Variants in PLEKHA5 observed in about 807,000 individuals in gnomAD.
The protein encoded by PLEKHA5 is pleckstrin homology domain containing A5.
PLEKHA5 carries 55 observed loss-of-function variants against 181.9 expected under a neutral mutation model. The observed-to-expected ratio is 0.30, with a 90% confidence interval of 0.24 to 0.38. The LOEUF (loss-of-function observed/expected upper bound fraction) is 0.38. PLEKHA5 is among the 10% of genes least tolerant of loss of function. PLEKHA5 has a pLI of 1.00. For missense variants in PLEKHA5, 1,432 were observed against 1,549.5 expected (o/e 0.92, Z 1.27); for synonymous variants, 535 against 529.4 (o/e 1.01, Z -0.15).
rs191525568 is a variant in PLEKHA5 at position 19,310,421 on chromosome 12, C to T, written c.2038-4393C>T. On this transcript the variant is annotated intron_variant, in intron 15 of 31. Coordinates refer to ENST00000429027, the MANE Select transcript of PLEKHA5 (RefSeq NM_001256470.2). Reference sequence around the variant, plus strand: ...GGTCAGGAGTTAGAGACCAGCCTGACCAACATGGTGAAACCCCGTCTCTAT... The same window carrying T: ...GGTCAGGAGTTAGAGACCAGCCTGATCAACATGGTGAAACCCCGTCTCTAT... 2.8e-3 allele frequency among the ~76,000 whole-genome samples: 421 copies of T among 150,494 alleles called. 4 individuals are homozygous for T. Among genetic ancestry groups the T allele is most frequent in the African/African-American group, 1.0e-2 (408 of 40,810 alleles).
intron 20 of PLEKHA5, among the ~76,000 whole-genome samples, chr12:19,334,856 A>ATCTG (rs2093250983): frequency 3.0e-5 from 2 of 66,240 alleles, no homozygotes; most frequent in African/African-American, 9.0e-5. Flanking sequence ...ATATATATAT[A>ATCTG]TATATATATA....
intron 11 of PLEKHA5, among the ~76,000 whole-genome samples, chr12:19,277,565 C>T (rs561941735): frequency 4.6e-5 from 7 of 152,004 alleles, no homozygotes; most frequent in Non-Finnish European, 7.4e-5. Flanking sequence ...TTTATAAATA[C>T]TGTTATTTAG....
chr12:19,250,206 G>C (rs190868171), intron 3 of PLEKHA5, among the ~76,000 whole-genome samples: 36 of 152,268 alleles, frequency 2.4e-4, no homozygotes, highest in Middle Eastern at 3.4e-3. Context: ...ATTTAGAAAA[G>C]TTTGGACTTC....
intron 3 of PLEKHA5, among the ~76,000 whole-genome samples, chr12:19,186,157 TGAA>T: frequency 6.6e-6 from 1 of 152,110 alleles, no homozygotes; most frequent in East Asian, 1.9e-4. Flanking sequence ...TTAGGTAACT[TGAA>T]GAAAAAAGGA....
intron 3 of PLEKHA5, among the ~76,000 whole-genome samples, chr12:19,182,590 T>A (rs2048865900): frequency 6.6e-6 from 1 of 152,154 alleles, no homozygotes. Context: ...GACTAGACCC[T>A]CCTCTTCTCC....
intron 3 of PLEKHA5, among the ~76,000 whole-genome samples, chr12:19,160,438 G>GT (rs1413172267): frequency 6.6e-6 from 1 of 151,992 alleles, no homozygotes; most frequent in South Asian, 2.1e-4. Context: ...TTGAAAAAAT[G>GT]TTTTTTCTGA....
rs147024618 is a variant in PLEKHA5, at chr12:19,364,246, G to A, written c.3609-1718G>A. ...TTTGTGGCAGGGTGCAGTGGCTCGT[G>A]CCTGAAATCCCAGCAGTTTGGGAGG... On this transcript the variant is annotated intron_variant, in intron 29 of 31. Coordinates refer to ENST00000429027, the MANE Select transcript of PLEKHA5 (RefSeq NM_001256470.2). Among the ~76,000 whole-genome samples, 1,022 of 152,140 alleles carry A rather than the reference G, an allele frequency of 6.7e-3. 10 individuals carry two copies. Among genetic ancestry groups the A allele is most frequent in the African/African-American group, 0.023 (968 of 41,508 alleles).
intron 3 of PLEKHA5, among the ~76,000 whole-genome samples, chr12:19,135,257 G>A (rs1393476892): frequency 7.2e-5 from 11 of 152,086 alleles, no homozygotes; most frequent in Admixed American, 7.2e-4. Flanking sequence ...TTTTGGTATT[G>A]ACACTTGCAT....
chr12:19,269,806 A>G lies in PLEKHA5; in HGVS notation c.748A>G (p.Thr250Ala), dbSNP rs1470003448. Residue 250 changes from threonine (T) to alanine (A), a missense_variant, in exon 9 of 32, where the codon ACT becomes GCT. Thr to Ala is a moderately conservative substitution (Grantham distance 58). Around this residue, in one of 2 missense-constraint regions of PLEKHA5, gnomAD observed 289 missense variants for 381.1 expected, o/e 0.76. Coordinates refer to ENST00000429027, the MANE Select transcript of PLEKHA5 (RefSeq NM_001256470.2). The part of the protein sequence containing the change: ...HPNMRTYYFC[T>A]DTGKEMELWM... Reference sequence around the variant, plus strand: ...AAACATGCGGACCTATTATTTCTGCACTGATACAGGAAAGGAAATGGAGTT... The same window carrying G: ...AAACATGCGGACCTATTATTTCTGCGCTGATACAGGAAAGGAAATGGAGTT... The G allele has an allele frequency of 6.2e-7, 1 of 1,609,572 alleles. No homozygotes were observed. Among genetic ancestry groups the G allele is most frequent in the East Asian group, 2.2e-5 (1 of 44,804 alleles).
At chr12:19,193,002 A>G (rs1274513090) in intron 3 of PLEKHA5, among the ~76,000 whole-genome samples, 1 of 152,226 alleles carries the variant, frequency 6.6e-6, no homozygotes, top group African/African-American at 2.4e-5. Flanking sequence ...CAAAGTTGAT[A>G]GTTTTGACAG....
intron 26 of PLEKHA5, 140 bp downstream of exon 26, chr12:19,354,142 TC>T: frequency 9.3e-6 from 3 of 322,406 alleles, no homozygotes; most frequent in South Asian, 6.5e-5. Context: ...TATTCTTTAT[TC>T]TTTTTTTTTT....
intron 3 of PLEKHA5, among the ~76,000 whole-genome samples, chr12:19,232,597 C>G (rs950176449): frequency 6.6e-6 from 1 of 152,140 alleles, no homozygotes; most frequent in Non-Finnish European, 1.5e-5. Flanking sequence ...GAAGTTGTCA[C>G]TCTCTGAGGA....
At chr12:19,290,594 G>GA (rs1202141514) in intron 13 of PLEKHA5, 83 bp from the exon 14 acceptor site, 4 of 1,314,658 alleles carry the variant, frequency 3.0e-6, no homozygotes, top group Non-Finnish European at 4.1e-6. Flanking sequence ...AACTTGCCAA[G>GA]AAATCTTGGT....
intron 20 of PLEKHA5, among the ~76,000 whole-genome samples, chr12:19,336,022 AT>A (rs1195687062): frequency 6.6e-6 from 1 of 152,152 alleles, no homozygotes; most frequent in African/African-American, 2.4e-5. Flanking sequence ...TCTCTGTGAT[AT>A]TATTGGTTTG....
chr12:19,217,183 C>T (rs573110067), intron 3 of PLEKHA5, among the ~76,000 whole-genome samples: 2 of 152,280 alleles, frequency 1.3e-5, no homozygotes, highest in Admixed American at 1.3e-4. Context: ...GTTTTTCAGT[C>T]ATGCAACAAA....
At chr12:19,203,571 T>A (rs1552750) in intron 3 of PLEKHA5, among the ~76,000 whole-genome samples, 10,467 of 152,034 alleles carry the variant, frequency 0.069, 385 homozygotes, top group South Asian at 0.11. Flanking sequence ...ACCTGGGCAT[T>A]TCAGAAAGTT....
chr12:19,199,639 A>G (rs887003412), intron 3 of PLEKHA5, among the ~76,000 whole-genome samples: 2 of 152,190 alleles, frequency 1.3e-5, no homozygotes, highest in African/African-American at 4.8e-5. Flanking sequence ...TTGTACTGCA[A>G]GATACTCTTT....
intron 21 of PLEKHA5, among the ~76,000 whole-genome samples, chr12:19,339,948 T>C (rs2093728249): frequency 6.6e-6 from 1 of 152,138 alleles, no homozygotes; most frequent in Non-Finnish European, 1.5e-5. Flanking sequence ...AACTATAGTG[T>C]TAAACATGGT....
At chr12:19,143,723 G>T (rs923350014) in intron 3 of PLEKHA5, among the ~76,000 whole-genome samples, 1 of 151,958 alleles carries the variant, frequency 6.6e-6, no homozygotes, top group African/African-American at 2.4e-5. Context: ...TTAAAGATTT[G>T]AGTCTTATTG....
Sources: allele counts gnomAD v4.1 joint callset (sites outside exome capture counted in the v4.1 genomes callset), GRCh38; gene constraint gnomAD v4.1.1; regional missense constraint gnomAD v4.1.1; transcripts MANE v1.5; gene names NCBI Gene and HGNC (gene_info 2026-07-23, HGNC 2026-07-21).